BLTP3B: variants seen among roughly 807,000 people sequenced by gnomAD.
The protein encoded by BLTP3B is UHRF1 (ICBP90) binding protein 1-like.
chr12:100,103,056 C>T, the BLTP3B span, among the ~76,000 whole-genome samples: 2 of 151,704 alleles, frequency 1.3e-5, no homozygotes, highest in African/African-American at 4.8e-5. Context: ...GTTCTCAAGG[C>T]ATTTATTATC....
chr12:100,113,830 A>G, the BLTP3B span, among the ~76,000 whole-genome samples: 1 of 152,140 alleles, frequency 6.6e-6, no homozygotes. Context: ...CCATTATACA[A>G]TATTTCATGG....
At chr12:100,111,152 T>C in the BLTP3B span, among the ~76,000 whole-genome samples, 2 of 152,100 alleles carry the variant, frequency 1.3e-5, no homozygotes, top group Non-Finnish European at 2.9e-5. Flanking sequence ...GCCAGTCTTA[T>C]AAAGAAATGT....
At chr12:100,099,328 T>C in the BLTP3B span, among the ~76,000 whole-genome samples, 188 of 149,670 alleles carry the variant, frequency 1.3e-3, no homozygotes, top group Non-Finnish European at 2.4e-3. Flanking sequence ...AAATGTTTTT[T>C]ATTAAAACAA....
the BLTP3B span, among the ~76,000 whole-genome samples, chr12:100,039,413 G>A: frequency 1.3e-5 from 2 of 152,048 alleles, no homozygotes; most frequent in Non-Finnish European, 2.9e-5. Flanking sequence ...AAGGCAGAAG[G>A]TATTAAATTT....
At chr12:100,086,640 A>G in the BLTP3B span, among the ~76,000 whole-genome samples, 2 of 152,202 alleles carry the variant, frequency 1.3e-5, no homozygotes, top group African/African-American at 4.8e-5. Context: ...TTATATTGAC[A>G]AGGCCTCCCC....
chr12:100,073,398 C>A, the BLTP3B span, among the ~76,000 whole-genome samples: 1 of 148,620 alleles, frequency 6.7e-6, no homozygotes, highest in Non-Finnish European at 1.5e-5. Context: ...CGGGGTTTCG[C>A]CATGTTGGCC....
chr12:100,062,714 C>T, the BLTP3B span, among the ~76,000 whole-genome samples: 2 of 152,112 alleles, frequency 1.3e-5, no homozygotes, highest in Non-Finnish European at 2.9e-5. Flanking sequence ...GTAATCCCAG[C>T]GCTTTGGGAG....
At chr12:100,072,048 G>A in the BLTP3B span, among the ~76,000 whole-genome samples, 7 of 152,278 alleles carry the variant, frequency 4.6e-5, no homozygotes, top group African/African-American at 1.7e-4. Flanking sequence ...ATCACTTGAG[G>A]TCAGGAGTTC....
chr12:100,104,537 T>A, the BLTP3B span, among the ~76,000 whole-genome samples: 8 of 149,888 alleles, frequency 5.3e-5, no homozygotes, highest in African/African-American at 1.7e-4. Flanking sequence ...TTTTTTTTTT[T>A]AACAATCCTT....
At chr12:100,124,969 TATATA>T in the BLTP3B span, among the ~76,000 whole-genome samples, 63 of 115,792 alleles carry the variant, frequency 5.4e-4, no homozygotes, top group African/African-American at 2.1e-3. Context: ...TATATATATA[TATATA>T]TATATTTATA....
the BLTP3B span, chr12:100,050,945 A>C: frequency 8.0e-7 from 1 of 1,255,950 alleles, no homozygotes; most frequent in Non-Finnish European, 1.1e-6. Context: ...TTTCAAGAAC[A>C]AAAGCTGCAA....
the BLTP3B span, among the ~76,000 whole-genome samples, chr12:100,056,047 G>A: frequency 6.6e-6 from 1 of 152,188 alleles, no homozygotes; most frequent in Non-Finnish European, 1.5e-5. Flanking sequence ...TATTATTACA[G>A]AGTTGTCACT....
At chr12:100,068,119 C>G in the BLTP3B span, among the ~76,000 whole-genome samples, 1 of 152,148 alleles carries the variant, frequency 6.6e-6, no homozygotes, top group Non-Finnish European at 1.5e-5. Context: ...CCATACTCAT[C>G]AGAACAGCAT....
the BLTP3B span, among the ~76,000 whole-genome samples, chr12:100,062,527 T>G: frequency 6.6e-6 from 1 of 152,212 alleles, no homozygotes; most frequent in Non-Finnish European, 1.5e-5. Flanking sequence ...AAACTTAATC[T>G]AGCAATTCCA....
At chr12:100,137,365 C>T in the BLTP3B span, among the ~76,000 whole-genome samples, 1 of 152,194 alleles carries the variant, frequency 6.6e-6, no homozygotes, top group Non-Finnish European at 1.5e-5. Context: ...GTGAGGCACT[C>T]TAATCCCTCT....
At chr12:100,037,676 T>A in the BLTP3B span, 1 of 1,611,000 alleles carries the variant, frequency 6.2e-7, no homozygotes, top group Non-Finnish European at 8.5e-7. Context: ...AAGAAGAGCA[T>A]CTTTTTCCAA....
chr12:100,060,065 T>A, the BLTP3B span: 14 of 1,534,684 alleles, frequency 9.1e-6, no homozygotes, highest in Middle Eastern at 1.8e-4. Context: ...AGATGTTTTT[T>A]AAAAATTTTT....
chr12:100,084,530 C>T, the BLTP3B span: 2 of 1,613,946 alleles, frequency 1.2e-6, no homozygotes, highest in South Asian at 2.2e-5. Context: ...GGTGAACCTA[C>T]ATTATGATCC....
chr12:100,098,520 T>C, the BLTP3B span: 1 of 1,611,666 alleles, frequency 6.2e-7, no homozygotes, highest in Non-Finnish European at 8.5e-7. Context: ...CCTCAACTAC[T>C]TTTTCAGCAA....
Sources: allele counts gnomAD v4.1 joint callset (sites outside exome capture counted in the v4.1 genomes callset), GRCh38; gene constraint gnomAD v4.1.1; transcripts MANE v1.5; gene names NCBI Gene and HGNC (gene_info 2026-07-23, HGNC 2026-07-21).